GLRA2: variants seen among roughly 807,000 people sequenced by gnomAD.
The protein encoded by GLRA2 is glycine receptor alpha 2, also known as glycine receptor subunit alpha-2.
A neutral mutation model predicts 31.6 loss-of-function variants in GLRA2; 11 were observed. The ratio of observed to expected loss-of-function variants is 0.35; its 90% CI spans 0.22 to 0.58. The LOEUF (loss-of-function observed/expected upper bound fraction) is 0.58, where lower values mean the gene tolerates loss of function less well. Ranked by LOEUF, GLRA2 falls within the 20% of genes least tolerant of loss-of-function variation. GLRA2 has a pLI of 0.84. For missense variants in GLRA2, 212 were observed against 351.8 expected (o/e 0.60, Z 3.18); for synonymous variants, 132 against 134.0 (o/e 0.99, Z 0.10).
chrX:14,548,595 A>C (rs1289102347), intron 2 of GLRA2, among the ~76,000 whole-genome samples: 2 of 111,319 alleles, frequency 1.8e-5, no homozygotes, highest in African/African-American at 3.3e-5. Context: ...CTTTACCACT[A>C]TTTCAGTACC....
chrX:14,599,050 G>T (rs1187563517), intron 4 of GLRA2, among the ~76,000 whole-genome samples: 1 of 111,171 alleles, frequency 9.0e-6, no homozygotes, highest in Non-Finnish European at 1.9e-5. Context: ...GTGAGATTTT[G>T]GGAGACGGAC....
At chrX:14,478,489 T>G in the GLRA2 span, among the ~76,000 whole-genome samples, 1 of 112,160 alleles carries the variant, frequency 8.9e-6, no homozygotes, top group East Asian at 2.8e-4. Flanking sequence ...TATATCCTAT[T>G]TGTGTGGGTG....
rs746401556 is a variant in GLRA2, at chrX:14,635,216, C to T, written c.930+26011C>T. Among the ~76,000 whole-genome samples, 346 of 111,745 alleles carry T rather than the reference C, an allele frequency of 3.1e-3. 2 individuals are homozygous for T. Among genetic ancestry groups the T allele is most frequent in the African/African-American group, 0.011 (340 of 30,817 alleles). On this transcript the variant is annotated intron_variant, in intron 7 of 8. Coordinates refer to ENST00000218075, the MANE Select transcript of GLRA2 (RefSeq NM_002063.4). ...CAAATCCTCCTGGAATCACTAGTAT[C>T]GTCATAGAAATCATTTTTTAAAATG...
At chrX:14,515,140 T>G in the GLRA2 span, among the ~76,000 whole-genome samples, 1 of 111,856 alleles carries the variant, frequency 8.9e-6, no homozygotes, top group Non-Finnish European at 1.9e-5. Context: ...TTTTTTAAAA[T>G]AACTTTGCAG....
At chrX:14,519,892 T>C in the GLRA2 span, among the ~76,000 whole-genome samples, 1 of 112,375 alleles carries the variant, frequency 8.9e-6, no homozygotes, top group Admixed American at 9.4e-5. Context: ...CTAATATTCG[T>C]TGACTGGTTG....
chrX:14,582,328 C>G (rs1046025511), intron 4 of GLRA2, among the ~76,000 whole-genome samples: 66 of 105,201 alleles, frequency 6.3e-4, no homozygotes, highest in African/African-American at 2.2e-3. Flanking sequence ...TTGGTTTTTT[C>G]TTCTTGCGAT....
At chrX:14,596,707 C>A (rs778065639) in intron 4 of GLRA2, among the ~76,000 whole-genome samples, 8 of 111,154 alleles carry the variant, frequency 7.2e-5, no homozygotes, top group Non-Finnish European at 1.3e-4. Flanking sequence ...AAATTATAGA[C>A]CTCTTTCTTA....
chrX:14,607,277 CT>C lies in GLRA2; in HGVS notation c.715+24del, dbSNP rs372265920. 0.025 allele frequency: 23,003 copies of C among 904,439 alleles called. No individual in the cohort carries two copies. Among genetic ancestry groups the C allele is most frequent in the East Asian group, 0.085 (2,062 of 24,168 alleles). The allele number at this position is 904,439 out of a possible 1,213,427, so 74.5% of individuals were successfully genotyped here. A position where few individuals can be genotyped will look rare whatever the true frequency, so the allele number is the denominator to read the frequency against. ...AAAGCACTACAACACTGGTAAGTTT[CT>C]TTTTTTTTTTTTTTCAGCTGTTAAA... On this transcript the variant is annotated intron_variant, in intron 6 of 8. Transcript: ENST00000218075.
At chrX:14,695,695 T>C (rs1289547570) in intron 8 of GLRA2, among the ~76,000 whole-genome samples, 1 of 112,079 alleles carries the variant, frequency 8.9e-6, no homozygotes, top group Non-Finnish European at 1.9e-5. Context: ...AGAATGACTA[T>C]GGTTGCTAGC....
In GLRA2 at chrX:14,548,660, G is replaced by T. The variant is rs1388269303; in HGVS notation, c.202+16288G>T. ...CCATGCCTAATACCGAACATGGATG[G>T]ATAGTGACATCTAACTTATCCAAAT... is the stretch of plus-strand genomic sequence containing the variant. On this transcript the variant is annotated intron_variant, in intron 2 of 8. Coordinates refer to ENST00000218075, the MANE Select transcript of GLRA2 (RefSeq NM_002063.4). Among the ~76,000 whole-genome samples, 4 of 111,660 alleles carry T rather than the reference G, an allele frequency of 3.6e-5. No individual in the cohort carries two copies. In the Admixed American group the frequency reaches 3.8e-4, roughly 11 times the overall value.
chrX:14,717,779 A>G (rs1411923418), intron 8 of GLRA2, among the ~76,000 whole-genome samples: 2 of 109,047 alleles, frequency 1.8e-5, no homozygotes, highest in Non-Finnish European at 3.8e-5. Context: ...ATAAACAAGG[A>G]TTTATCAAGA....
the GLRA2 span, among the ~76,000 whole-genome samples, chrX:14,506,870 A>T: frequency 8.9e-6 from 1 of 111,877 alleles, no homozygotes; most frequent in Non-Finnish European, 1.9e-5. Context: ...CCTTAAAAGG[A>T]TCAGGACCAG....
the GLRA2 span, among the ~76,000 whole-genome samples, chrX:14,458,359 T>C: frequency 8.9e-6 from 1 of 111,984 alleles, no homozygotes; most frequent in Non-Finnish European, 1.9e-5. Context: ...TATAGCAGCA[T>C]GATTTATAGT....
At chrX:14,707,748 A>G (rs990576644) in intron 8 of GLRA2, among the ~76,000 whole-genome samples, 1 of 81,138 alleles carries the variant, frequency 1.2e-5, no homozygotes, top group African/African-American at 5.1e-5. Flanking sequence ...CTACTTTGAC[A>G]GCAAAAAAGG....
intron 7 of GLRA2, among the ~76,000 whole-genome samples, chrX:14,648,765 G>T (rs1473039259): frequency 9.0e-6 from 1 of 111,661 alleles, no homozygotes; most frequent in Non-Finnish European, 1.9e-5. Context: ...CTAGGTTAAT[G>T]CAAAATAAAA....
At chrX:14,455,570 T>G in the GLRA2 span, among the ~76,000 whole-genome samples, 1 of 111,833 alleles carries the variant, frequency 8.9e-6, no homozygotes, top group Non-Finnish European at 1.9e-5. Context: ...CCCCAAAATA[T>G]GTTGAAAAAT....
chrX:14,717,979 C>T (rs1316189034), intron 8 of GLRA2, among the ~76,000 whole-genome samples: 2 of 110,841 alleles, frequency 1.8e-5, no homozygotes, highest in African/African-American at 6.6e-5. Context: ...CTGAGAATGT[C>T]GTCGGGTACG....
At chrX:14,704,294 G>T (rs1394531479) in intron 8 of GLRA2, among the ~76,000 whole-genome samples, 1 of 112,339 alleles carries the variant, frequency 8.9e-6, no homozygotes, top group Admixed American at 9.4e-5. Flanking sequence ...TTTCATAAAG[G>T]CTATGATGGC....
At chrX:14,711,852 C>T (rs1425158269) in intron 8 of GLRA2, among the ~76,000 whole-genome samples, 1 of 112,237 alleles carries the variant, frequency 8.9e-6, no homozygotes, top group East Asian at 2.8e-4. Context: ...CTTCCCTATC[C>T]TTGGAAACTT....
Sources: allele counts gnomAD v4.1 joint callset (sites outside exome capture counted in the v4.1 genomes callset), GRCh38; gene constraint gnomAD v4.1.1; transcripts MANE v1.5; gene names NCBI Gene and HGNC (gene_info 2026-07-23, HGNC 2026-07-21).